The following SPON1 variants were observed in gnomAD, a reference collection of about 807,000 sequenced individuals.
SPON1 encodes spondin-1.
SPON1 carries 52 observed loss-of-function variants against 111.7 expected under a neutral mutation model. The ratio of observed to expected loss-of-function variants is 0.47; its 90% confidence interval spans 0.37 to 0.59. The LOEUF (loss-of-function observed/expected upper bound fraction) is 0.59, where lower values mean the gene tolerates loss of function less well. Ranked by LOEUF, SPON1 falls within the 20% of genes least tolerant of loss-of-function variation. The pLI, the probability that SPON1 is intolerant of heterozygous loss-of-function variation, is 0.00. For synonymous variants in SPON1, 410 were observed against 395.8 expected (o/e 1.04, Z -0.43); for missense variants, 957 against 1,068.5 (o/e 0.90, Z 1.46).
At chr11:13,996,705 A>ATGTGTG (rs200436190) in intron 2 of SPON1, among the ~76,000 whole-genome samples, 2 of 151,310 alleles carry the variant, frequency 1.3e-5, no homozygotes, top group African/African-American at 4.9e-5. Context: ...AAACACACCT[A>ATGTGTG]TGTGTGTATA....
intron 2 of SPON1, among the ~76,000 whole-genome samples, chr11:14,009,971 T>C (rs1277261334): frequency 6.6e-6 from 1 of 152,214 alleles, no homozygotes; most frequent in Non-Finnish European, 1.5e-5. Flanking sequence ...ACATTCAGAC[T>C]GTATCAATGT....
intron 3 of SPON1, among the ~76,000 whole-genome samples, chr11:14,071,168 C>CTA (rs1644209608): frequency 6.6e-6 from 1 of 152,028 alleles, no homozygotes; most frequent in Non-Finnish European, 1.5e-5. Context: ...ATTTATAAAC[C>CTA]TCAGCTGAGT....
chr11:14,239,975 C>T (rs953343409), intron 6 of SPON1, among the ~76,000 whole-genome samples: 2 of 152,196 alleles, frequency 1.3e-5, no homozygotes, highest in African/African-American at 4.8e-5. Context: ...TTTAAATTTG[C>T]TTCACATTTT....
chr11:14,160,897 TTATATATTTATA>T (rs1370657298), intron 6 of SPON1, among the ~76,000 whole-genome samples: 4 of 51,316 alleles, frequency 7.8e-5, no homozygotes, highest in East Asian at 2.0e-3. Context: ...TTATATATAT[TTATATATTTATA>T]TATATATTTA....
intron 2 of SPON1, among the ~76,000 whole-genome samples, chr11:13,983,746 G>A (rs1848161826): frequency 6.6e-6 from 1 of 152,166 alleles, no homozygotes; most frequent in South Asian, 2.1e-4. Flanking sequence ...CAAATTTGCT[G>A]TAATTACTTC....
chr11:14,219,453 C>G (rs187819071), intron 6 of SPON1, among the ~76,000 whole-genome samples: 1 of 152,136 alleles, frequency 6.6e-6, no homozygotes, highest in African/African-American at 2.4e-5. Flanking sequence ...GGGGAAAAAT[C>G]GATGCAGATG....
At chr11:14,207,500 TAAAC>T (rs1263493393) in intron 6 of SPON1, among the ~76,000 whole-genome samples, 3 of 152,026 alleles carry the variant, frequency 2.0e-5, no homozygotes, top group Non-Finnish European at 4.4e-5. Flanking sequence ...ATAAGGAACT[TAAAC>T]AAATTTACAA....
rs187505104 is a variant in SPON1, at chr11:14,246,437, A to G, written c.890+3041A>G. 1.5e-4 allele frequency among the ~76,000 whole-genome samples: 23 copies of G among 152,286 alleles called. No individual in the cohort carries two copies. The East Asian group carries it at 4.4e-3, about 29-fold the overall frequency. On this transcript the variant is annotated intron_variant, in intron 7 of 15. Transcript: ENST00000576479. Reference sequence around the variant, plus strand: ...ATAGAATGCCAACAGTACCCAGCTGATTCTAATGCCTGTGCTTTTCACTAT... The same window carrying G: ...ATAGAATGCCAACAGTACCCAGCTGGTTCTAATGCCTGTGCTTTTCACTAT...
intron 3 of SPON1, among the ~76,000 whole-genome samples, chr11:14,051,101 G>C (rs1554918537): frequency 1.3e-5 from 2 of 152,134 alleles, no homozygotes; most frequent in African/African-American, 4.8e-5. Flanking sequence ...GCCTATTATG[G>C]TCTGAATATT....
intron 2 of SPON1, among the ~76,000 whole-genome samples, chr11:14,023,829 C>T (rs1848497530): frequency 6.6e-6 from 1 of 151,956 alleles, no homozygotes; most frequent in Admixed American, 6.6e-5. Flanking sequence ...TGGTGAAACC[C>T]CATCTCTACT....
chr11:14,180,510 C>T (rs1848226188), intron 6 of SPON1, among the ~76,000 whole-genome samples: 1 of 152,202 alleles, frequency 6.6e-6, no homozygotes, highest in African/African-American at 2.4e-5. Context: ...TCGGCTAGCT[C>T]CTTCAGATCC....
At chr11:14,003,692 G>T (rs1288931832) in intron 2 of SPON1, among the ~76,000 whole-genome samples, 2 of 152,146 alleles carry the variant, frequency 1.3e-5, no homozygotes, top group Admixed American at 1.3e-4. Flanking sequence ...ACAACATAAT[G>T]TTATGTATAG....
At chr11:14,163,543 TC>T (rs1847991986) in intron 6 of SPON1, among the ~76,000 whole-genome samples, 1 of 151,598 alleles carries the variant, frequency 6.6e-6, no homozygotes. Context: ...CCCCAGATTC[TC>T]CCCCCATACC....
At chr11:13,972,009 G>C (rs1458983890) in intron 1 of SPON1, among the ~76,000 whole-genome samples, 1 of 152,130 alleles carries the variant, frequency 6.6e-6, no homozygotes, top group African/African-American at 2.4e-5. Flanking sequence ...GGAAAATAAG[G>C]TCTCCCCTGG....
intron 6 of SPON1, among the ~76,000 whole-genome samples, chr11:14,225,009 G>A (rs1400133976): frequency 1.3e-5 from 2 of 152,132 alleles, no homozygotes; most frequent in African/African-American, 2.4e-5. Context: ...ATGGAGTGAC[G>A]GAAGCCTCTC....
At chr11:14,226,651 T>G (rs1158269587) in intron 6 of SPON1, among the ~76,000 whole-genome samples, 1 of 152,240 alleles carries the variant, frequency 6.6e-6, no homozygotes. Context: ...TGCCTTTTAT[T>G]TTCATTAGAC....
At chr11:14,058,886 C>T (rs1236444967) in intron 3 of SPON1, among the ~76,000 whole-genome samples, 1 of 152,178 alleles carries the variant, frequency 6.6e-6, no homozygotes, top group Non-Finnish European at 1.5e-5. Flanking sequence ...AGATTTGAAC[C>T]CTGGACAGTC....
chr11:14,090,611 G>C (rs537099974), intron 5 of SPON1, among the ~76,000 whole-genome samples: 75 of 152,084 alleles, frequency 4.9e-4, no homozygotes, highest in South Asian at 1.0e-3. Context: ...GGAGTTGTTC[G>C]TTCCTCCTGG....
At chr11:14,019,198 A>T (rs1356318129) in intron 2 of SPON1, among the ~76,000 whole-genome samples, 1 of 152,032 alleles carries the variant, frequency 6.6e-6, no homozygotes, top group Admixed American at 6.6e-5. Context: ...CCCGGTTTGA[A>T]TCCTAGCTCA....
Sources: allele counts gnomAD v4.1 joint callset (sites outside exome capture counted in the v4.1 genomes callset), GRCh38; gene constraint gnomAD v4.1.1; transcripts MANE v1.5; gene names NCBI Gene and HGNC (gene_info 2026-07-23, HGNC 2026-07-21).